Variants in ARFGEF3 observed in about 807,000 individuals in gnomAD.
ARFGEF3 encodes the protein ARFGEF family member 3.
Under a neutral mutation model 221.7 loss-of-function variants are expected in ARFGEF3, and 96 were observed. The ratio of observed to expected loss-of-function variants is 0.43; its 90% CI spans 0.37 to 0.51. The LOEUF (loss-of-function observed/expected upper bound fraction) is 0.51, where lower values mean the gene tolerates loss of function less well. ARFGEF3 is among the 20% of genes least tolerant of loss of function. The pLI, the probability that ARFGEF3 is intolerant of heterozygous loss-of-function variation, is 0.00. For synonymous variants in ARFGEF3, 1,145 were observed against 1,126.8 expected (o/e 1.02, Z -0.32); for missense variants, 2,410 against 2,789.9 (o/e 0.86, Z 3.07).
intron 8 of ARFGEF3, 108 bp downstream of exon 8, chr6:138,245,699 T>C: frequency 1.2e-6 from 1 of 845,830 alleles, no homozygotes. Flanking sequence ...ATAGGGACAA[T>C]AGTTTCCCCC....
chr6:138,239,156 C>A (rs1778347647), intron 6 of ARFGEF3, among the ~76,000 whole-genome samples: 1 of 152,140 alleles, frequency 6.6e-6, no homozygotes, highest in South Asian at 2.1e-4. Flanking sequence ...CTAAAGTGAG[C>A]ATTCCAGGGG....
intron 10 of ARFGEF3, among the ~76,000 whole-genome samples, chr6:138,257,273 G>A (rs1778701615): frequency 6.6e-6 from 1 of 152,082 alleles, no homozygotes; most frequent in Admixed American, 6.5e-5. Flanking sequence ...CCCTACTACT[G>A]TTCAACTTGC....
At chr6:138,163,193 T>C (rs1277798685) in intron 1 of ARFGEF3, among the ~76,000 whole-genome samples, 1 of 152,254 alleles carries the variant, frequency 6.6e-6, no homozygotes. Flanking sequence ...ACTCTTAATA[T>C]GTAGATGGTC....
intron 11 of ARFGEF3, among the ~76,000 whole-genome samples, chr6:138,262,275 T>C (rs1433551607): frequency 1.3e-5 from 2 of 150,958 alleles, no homozygotes; most frequent in Admixed American, 6.6e-5. Context: ...CTGCAACCTC[T>C]GCCTTCCAGG....
At chr6:138,250,888 G>A (rs1483876828) in intron 8 of ARFGEF3, among the ~76,000 whole-genome samples, 1 of 152,104 alleles carries the variant, frequency 6.6e-6, no homozygotes. Flanking sequence ...GAGTTGGCTG[G>A]TTTCTAGGTT....
At chr6:138,240,015 C>T (rs1778364025) in intron 6 of ARFGEF3, among the ~76,000 whole-genome samples, 1 of 152,116 alleles carries the variant, frequency 6.6e-6, no homozygotes, top group African/African-American at 2.4e-5. Flanking sequence ...CAACACTAAT[C>T]TGAAAAAACA....
chr6:138,338,847 GTTGT>G lies in ARFGEF3; in HGVS notation c.*2369_*2372del, dbSNP rs1780379021. On this transcript the variant is annotated 3_prime_UTR_variant, in exon 34 of 34. Transcript: ENST00000251691. ...GAATACTGTATCCCAAAGTATGTTA[GTTGT>G]TTGTTTGGAAATCAGCATTCTCCCC... 6.7e-6 allele frequency: 1 copy of G among 150,314 alleles called. No homozygotes were observed. Among genetic ancestry groups the G allele is most frequent in the South Asian group, 2.1e-4 (1 of 4,750 alleles). 9.3% of individuals were successfully genotyped at this position (150,314 alleles called of 1,614,324 possible).
chr6:138,213,031 G>T (rs946285854), intron 4 of ARFGEF3, among the ~76,000 whole-genome samples: 1 of 152,046 alleles, frequency 6.6e-6, no homozygotes, highest in African/African-American at 2.4e-5. Context: ...CCGCACGCCT[G>T]TAATCCCAGC....
At chr6:138,279,926 C>T in intron 13 of ARFGEF3, 73 bp from the exon 14 acceptor site, 1 of 1,456,416 alleles carries the variant, frequency 6.9e-7, no homozygotes, top group South Asian at 1.2e-5. Context: ...CGTGAAGAGG[C>T]AGCAGAGGCA....
chr6:138,211,718 A>C (rs1031087758), intron 4 of ARFGEF3, among the ~76,000 whole-genome samples: 1 of 152,198 alleles, frequency 6.6e-6, no homozygotes, highest in African/African-American at 2.4e-5. Context: ...AAAATGAGGA[A>C]GTACCCATTC....
chr6:138,315,101 A>G (rs1258485302), intron 26 of ARFGEF3, among the ~76,000 whole-genome samples: 2 of 152,214 alleles, frequency 1.3e-5, no homozygotes, highest in Non-Finnish European at 2.9e-5. Flanking sequence ...ATTGTCTTTT[A>G]GTATCTTTTA....
chr6:138,226,041 A>C (rs1778078391), intron 4 of ARFGEF3, among the ~76,000 whole-genome samples: 1 of 152,370 alleles, frequency 6.6e-6, no homozygotes, highest in Non-Finnish European at 1.5e-5. Context: ...AATCACATGC[A>C]TGATCATGTC....
chr6:138,329,000 T>TA (rs1181021340), intron 32 of ARFGEF3, among the ~76,000 whole-genome samples: 1 of 151,474 alleles, frequency 6.6e-6, no homozygotes, highest in Non-Finnish European at 1.5e-5. Context: ...TTGCCTAATT[T>TA]AAAAAAATAA....
At position 138,341,004 on chromosome 6, in the gene ARFGEF3, T is replaced by C. The variant is rs1400934493; in HGVS notation, c.*4518T>C. 2 of 152,218 alleles carry C rather than the reference T, an allele frequency of 1.3e-5. No individual in the cohort carries two copies. The highest frequency in any genetic ancestry group is 2.4e-5 in the African/African-American group (1 of 41,446). The allele number at this position is 152,218 out of a possible 1,614,324, so 9.4% of individuals were successfully genotyped here. On this transcript the variant is annotated 3_prime_UTR_variant, in exon 34 of 34. Coordinates refer to ENST00000251691, the MANE Select transcript of ARFGEF3 (RefSeq NM_020340.5). Reference sequence around the variant, plus strand: ...GAAAATAAAACCAAAATCTAAACTTTAGTCTTCAAGCAGACATTCAGTGTT... The same window carrying C: ...GAAAATAAAACCAAAATCTAAACTTCAGTCTTCAAGCAGACATTCAGTGTT...
chr6:138,281,448 T>C (rs1779194976), intron 14 of ARFGEF3, among the ~76,000 whole-genome samples: 1 of 152,222 alleles, frequency 6.6e-6, no homozygotes, highest in African/African-American at 2.4e-5. Context: ...CCAACAGTTT[T>C]CAACCCTTTA....
intron 2 of ARFGEF3, among the ~76,000 whole-genome samples, chr6:138,183,455 G>T (rs1777119886): frequency 6.6e-6 from 1 of 152,168 alleles, no homozygotes; most frequent in African/African-American, 2.4e-5. Context: ...TGAGATGATT[G>T]CCTCGCTGTG....
intron 2 of ARFGEF3, among the ~76,000 whole-genome samples, chr6:138,184,782 G>A (rs915842741): frequency 2.0e-5 from 3 of 152,156 alleles, no homozygotes; most frequent in African/African-American, 4.8e-5. Context: ...CTTTGAGCTG[G>A]CCTCTCTCAT....
At chr6:138,164,102 A>T (rs968705578) in intron 1 of ARFGEF3, among the ~76,000 whole-genome samples, 8 of 152,206 alleles carry the variant, frequency 5.3e-5, no homozygotes, top group African/African-American at 1.9e-4. Flanking sequence ...ATTTGTTAGA[A>T]GGGCATGCTG....
intron 8 of ARFGEF3, among the ~76,000 whole-genome samples, chr6:138,248,886 A>C (rs774036499): frequency 2.6e-5 from 4 of 152,204 alleles, no homozygotes; most frequent in Admixed American, 6.5e-5. Context: ...ATGAGTCTGT[A>C]GGCCCAACAC....
Sources: gnomAD v4.1 joint callset for allele counts (sites outside exome capture counted in the v4.1 genomes callset) on GRCh38, gnomAD v4.1.1 for gene constraint, MANE v1.5 for transcripts, NCBI Gene and HGNC (gene_info 2026-07-23, HGNC 2026-07-21) for gene names.